Variants in BCAS3 observed in about 807,000 individuals in gnomAD.
BCAS3 encodes BCAS3 microtubule associated cell migration factor, also known as BCAS4/BCAS3 fusion.
BCAS3 carries 53 observed loss-of-function variants against 116.1 expected under a neutral mutation model. The observed-to-expected ratio is 0.46, with a 90% confidence interval of 0.37 to 0.57. BCAS3 has a LOEUF of 0.57. Ranked by LOEUF, BCAS3 falls within the 20% of genes least tolerant of loss-of-function variation. The probability of loss-of-function intolerance (pLI) is 0.00; values close to 1 mark genes in which losing one functional copy is unlikely to be tolerated. For missense variants in BCAS3, 917 were observed against 1,165.4 expected (o/e 0.79, Z 3.10); for synonymous variants, 391 against 408.2 (o/e 0.96, Z 0.51).
chr17:60,736,701 G>T (rs2041003835), intron 5 of BCAS3, among the ~76,000 whole-genome samples: 1 of 152,094 alleles, frequency 6.6e-6, no homozygotes, highest in Admixed American at 6.6e-5. Flanking sequence ...TCTTTAATAG[G>T]TGTAGACCTA....
chr17:61,105,454 C>T lies in BCAS3; in HGVS notation c.2425+20890C>T, dbSNP rs553903847. Among the ~76,000 whole-genome samples the T allele has an allele frequency of 2.6e-5, 4 of 152,224 alleles. No homozygotes were observed. Among genetic ancestry groups the T allele is most frequent in the Admixed American group, 6.5e-5 (1 of 15,290 alleles). ...TTTTTATTTTTTTGAGACAGAGTTT[C>T]GCTCTTGTTGCCCAGGCTGCAGTGC... On this transcript the variant is annotated intron_variant, in intron 22 of 23. Coordinates refer to ENST00000407086, the MANE Select transcript of BCAS3 (RefSeq NM_017679.5). This position sits in a 1 kb window ranked among gnomAD's most constrained non-coding sequence, Gnocchi z 4.3.
chr17:61,271,617 G>A (rs2050281334), intron 22 of BCAS3, among the ~76,000 whole-genome samples: 1 of 148,144 alleles, frequency 6.8e-6, no homozygotes, highest in South Asian at 2.2e-4. Flanking sequence ...GTGTGTGTGT[G>A]TGTGTGTGTG....
At chr17:61,201,790 G>A (rs1209376230) in intron 22 of BCAS3, among the ~76,000 whole-genome samples, 2 of 146,616 alleles carry the variant, frequency 1.4e-5, no homozygotes, top group African/African-American at 2.6e-5. Context: ...ACAGGGTCTC[G>A]CTCTGTCGCC....
chr17:60,705,214 C>A (rs1401204808), intron 4 of BCAS3, among the ~76,000 whole-genome samples: 2 of 152,058 alleles, frequency 1.3e-5, no homozygotes, highest in Non-Finnish European at 2.9e-5. Context: ...ACGATAGATA[C>A]CATCAAGAAA....
chr17:60,701,413 AC>A (rs1293795733), intron 4 of BCAS3, among the ~76,000 whole-genome samples: 1 of 152,200 alleles, frequency 6.6e-6, no homozygotes, highest in Non-Finnish European at 1.5e-5. Flanking sequence ...TGCTTATGTA[AC>A]CAACACCAAA....
chr17:61,237,349 A>G (rs1053856857), intron 22 of BCAS3, among the ~76,000 whole-genome samples: 2 of 152,250 alleles, frequency 1.3e-5, no homozygotes, highest in African/African-American at 4.8e-5. Context: ...TCAGGATCCT[A>G]AAAGTAGCCA....
intron 22 of BCAS3, among the ~76,000 whole-genome samples, chr17:61,190,760 C>T (rs917786863): frequency 6.6e-6 from 1 of 151,974 alleles, no homozygotes; most frequent in Non-Finnish European, 1.5e-5. Flanking sequence ...TGTGCCACCA[C>T]ACCTGGCTAA....
At position 61,037,254 on chromosome 17, in the gene BCAS3, T is replaced by G. The variant is rs1023184870; in HGVS notation, c.1763-635T>G. ...ACATTATTCCTTTTCAGTTAGTCCA[T>G]TTCCTGATATCATTCATTTTTCATA... On this transcript the variant is annotated intron_variant, in intron 17 of 23. Coordinates refer to ENST00000407086, the MANE Select transcript of BCAS3 (RefSeq NM_017679.5). The surrounding 1 kb of genome is among the most constrained non-coding windows in gnomAD (Gnocchi z 4.7). Among the ~76,000 whole-genome samples the G allele has an allele frequency of 7.9e-5, 12 of 152,240 alleles. No individual in the cohort carries two copies. The highest frequency in any genetic ancestry group is 5.9e-5 in the Non-Finnish European group (4 of 68,046).
chr17:60,983,781 A>G (rs2062960131), intron 14 of BCAS3, among the ~76,000 whole-genome samples: 1 of 152,208 alleles, frequency 6.6e-6, no homozygotes, highest in South Asian at 2.1e-4. Context: ...TTGCTCAATG[A>G]TAAATCTAAG....
rs769726061 is a variant in BCAS3, at chr17:60,851,239, C to A, written c.477-17337C>A. 3.8e-4 allele frequency: 83 copies of A among 221,120 alleles called. 1 individual carries two copies. Among genetic ancestry groups the A allele is most frequent in the Non-Finnish European group, 3.8e-4 (40 of 105,798 alleles). 13.7% of individuals were successfully genotyped at this position (221,120 alleles called of 1,614,324 possible). On this transcript the variant is annotated intron_variant, in intron 7 of 23. Transcript: ENST00000407086. ...TAAACCTGAACAGTAAGAAAATGAA[C>A]AATCCTATTAAAAAATGAGCAAAAG...
intron 22 of BCAS3, among the ~76,000 whole-genome samples, chr17:61,176,138 CAAAAAAAAAA>C (rs534042215): frequency 2.0e-5 from 1 of 50,040 alleles, no homozygotes; most frequent in African/African-American, 6.6e-5. Flanking sequence ...GACCCTATCT[CAAAAAAAAAA>C]AAAAAAAAAA....
intron 7 of BCAS3, among the ~76,000 whole-genome samples, chr17:60,844,076 T>G (rs2052257700): frequency 6.6e-6 from 1 of 152,174 alleles, no homozygotes; most frequent in East Asian, 1.9e-4. Flanking sequence ...TTCAAGGGAT[T>G]CTCCTGCCTC....
At chr17:60,997,175 C>T (rs190737719) in intron 15 of BCAS3, among the ~76,000 whole-genome samples, 1 of 152,310 alleles carries the variant, frequency 6.6e-6, no homozygotes, top group African/African-American at 2.4e-5. Flanking sequence ...GCTGATCTGA[C>T]AGGAGGTGAG....
At chr17:60,716,181 C>T (rs1039422918) in intron 5 of BCAS3, among the ~76,000 whole-genome samples, 10 of 152,234 alleles carry the variant, frequency 6.6e-5, no homozygotes, top group Non-Finnish European at 1.5e-4. Flanking sequence ...AAGATTTAAA[C>T]GGTGTTCATT....
At position 61,275,088 on chromosome 17, in the gene BCAS3, C is replaced by T. The variant is rs139384495; in HGVS notation, c.2426-93239C>T. ...GCTAGTCTCAACTCCTGGGCTCAAG[C>T]GATCCTCTCACATCAGCCTCCCAAA... On this transcript the variant is annotated intron_variant, in intron 22 of 23. Transcript: ENST00000407086. Among the ~76,000 whole-genome samples, 990 of 151,924 alleles carry T rather than the reference C, an allele frequency of 6.5e-3. 12 individuals are homozygous for T. The highest frequency in any genetic ancestry group is 0.023 in the African/African-American group (962 of 41,430).
intron 22 of BCAS3, among the ~76,000 whole-genome samples, chr17:61,272,654 AAAAAAAAAAAAAAG>A (rs2050399337): frequency 6.9e-6 from 1 of 144,492 alleles, no homozygotes; most frequent in Admixed American, 6.8e-5. Flanking sequence ...AAAAAAAAAA[AAAAAAAAAAAAAAG>A]CAATTTTGAT....
Position 60,815,795 on chromosome 17 carries a change from T to C in BCAS3, c.476+7719T>C, listed in dbSNP as rs947577907. On this transcript the variant is annotated intron_variant, in intron 7 of 23. Coordinates refer to ENST00000407086, the MANE Select transcript of BCAS3 (RefSeq NM_017679.5). ...CACACATAATCATGAAGTGTCTGCT[T>C]AGAGACATTCTTCAGTTTCACATGT... is the stretch of plus-strand genomic sequence containing the variant. 1.9e-4 allele frequency among the ~76,000 whole-genome samples: 29 copies of C among 151,622 alleles called. 1 individual carries two copies. Among genetic ancestry groups the C allele is most frequent in the African/African-American group, 6.4e-4 (26 of 40,902 alleles).
At chr17:61,260,400 A>G (rs2049101862) in intron 22 of BCAS3, among the ~76,000 whole-genome samples, 1 of 152,368 alleles carries the variant, frequency 6.6e-6, no homozygotes, top group Non-Finnish European at 1.5e-5. Flanking sequence ...ATACTGACAC[A>G]AGGTCTATAG....
rs1370794611 is a variant in BCAS3, at chr17:61,258,283, CT to C, written c.2426-110041del. Among the ~76,000 whole-genome samples the C allele has an allele frequency of 6.6e-6, 1 of 152,178 alleles. No individual in the cohort carries two copies. The highest frequency in any genetic ancestry group is 1.5e-5 in the Non-Finnish European group (1 of 68,034). ...GTCTTTAAGTATGTAACTTTATTTTCTTTCCTATCAGACTTTAAATTCATTG... is the reference window on the plus strand; with the variant it reads ...GTCTTTAAGTATGTAACTTTATTTTCTTCCTATCAGACTTTAAATTCATTG... On this transcript the variant is annotated intron_variant, in intron 22 of 23. Transcript: ENST00000407086. The surrounding 1 kb of genome is among the most constrained non-coding windows in gnomAD (Gnocchi z 4.7).
Sources: allele counts gnomAD v4.1 joint callset (sites outside exome capture counted in the v4.1 genomes callset), GRCh38; gene constraint gnomAD v4.1.1; non-coding constraint Gnocchi (gnomAD v3.1); transcripts MANE v1.5; gene names NCBI Gene and HGNC (gene_info 2026-07-23, HGNC 2026-07-21).